DCP2: variants seen among roughly 807,000 people sequenced by gnomAD.
DCP2 encodes m7GpppN-mRNA hydrolase.
Under a neutral mutation model 56.1 loss-of-function variants are expected in DCP2, and 30 were observed. The ratio of observed to expected loss-of-function variants is 0.53; its 90% CI spans 0.40 to 0.73. The LOEUF is 0.73. DCP2 is among the 30% of genes least tolerant of loss of function. The pLI is 0.00. For synonymous variants in DCP2, 197 were observed against 163.3 expected (o/e 1.21, Z -1.57); for missense variants, 533 against 502.7 (o/e 1.06, Z -0.58).
chr5:112,999,581 C>T (rs1313890617), intron 4 of DCP2, among the ~76,000 whole-genome samples: 2 of 151,564 alleles, frequency 1.3e-5, no homozygotes, highest in African/African-American at 4.8e-5. Flanking sequence ...CTGCCTTGGC[C>T]TCCCCTTAGT....
intron 4 of DCP2, 97 bp downstream of exon 4, chr5:112,992,867 C>T: frequency 2.4e-6 from 2 of 822,840 alleles, no homozygotes; most frequent in Non-Finnish European, 1.7e-6. Context: ...ACTGTCTTAA[C>T]CCTTTCCAGA....
rs1358414669 is a variant in DCP2 at position 113,019,627 on chromosome 5, C to A, written c.*6143C>A. 2 of 152,136 alleles carry A rather than the reference C, an allele frequency of 1.3e-5. No homozygotes were observed. Among genetic ancestry groups the A allele is most frequent in the Admixed American group, 6.5e-5 (1 of 15,274 alleles). 9.4% of individuals were successfully genotyped at this position (152,136 alleles called of 1,614,324 possible). A position where few individuals can be genotyped will look rare whatever the true frequency, so the allele number is the denominator to read the frequency against. ...TTACAAATATTAGAAACTTTTTCTT[C>A]AGTAACAAAAACAGGGAAGGACAAT... On this transcript the variant is annotated 3_prime_UTR_variant, in exon 11 of 11. Transcript: ENST00000389063.
At chr5:113,001,791 G>A in intron 7 of DCP2, 117 bp downstream of exon 7, 1 of 897,682 alleles carries the variant, frequency 1.1e-6, no homozygotes, top group Non-Finnish European at 1.7e-6. Flanking sequence ...GATACTCTTT[G>A]TTACTGGTCT....
At chr5:113,011,439 T>A (rs1445766190) in intron 10 of DCP2, among the ~76,000 whole-genome samples, 2 of 152,234 alleles carry the variant, frequency 1.3e-5, no homozygotes. Context: ...ATTTAGTAGA[T>A]GATACTTGGA....
chr5:113,004,953 G>C (rs1181214328), intron 8 of DCP2, among the ~76,000 whole-genome samples: 1 of 151,678 alleles, frequency 6.6e-6, no homozygotes, highest in South Asian at 2.1e-4. Flanking sequence ...GTGAAACCCC[G>C]TCTTTACTAA....
At chr5:112,990,112 A>G (rs545439365) in intron 2 of DCP2, among the ~76,000 whole-genome samples, 1 of 152,334 alleles carries the variant, frequency 6.6e-6, no homozygotes, top group East Asian at 1.9e-4. Context: ...CTCATTGGCA[A>G]GAAAATGAGA....
At chr5:113,003,373 G>A (rs1296717280) in intron 7 of DCP2, among the ~76,000 whole-genome samples, 1 of 152,126 alleles carries the variant, frequency 6.6e-6, no homozygotes, top group Non-Finnish European at 1.5e-5. Flanking sequence ...TACTTTCTCA[G>A]ATCATCTTTC....
At chr5:113,001,018 T>G in intron 4 of DCP2, 66 bp from the exon 5 acceptor site, 2 of 1,451,616 alleles carry the variant, frequency 1.4e-6, no homozygotes, top group Non-Finnish European at 1.8e-6. Flanking sequence ...GTCTTGGGAA[T>G]AAATTTTAAT....
At chr5:112,998,691 A>G (rs1320498112) in intron 4 of DCP2, among the ~76,000 whole-genome samples, 1 of 152,268 alleles carries the variant, frequency 6.6e-6, no homozygotes, top group Admixed American at 6.5e-5. Flanking sequence ...ATTAATTCAA[A>G]GAATAGACTT....
intron 7 of DCP2, 113 bp downstream of exon 7, chr5:113,001,787 C>G (rs1221738794): frequency 2.2e-6 from 2 of 926,116 alleles, no homozygotes; most frequent in Admixed American, 4.5e-5. Context: ...TATAGATACT[C>G]TTTGTTACTG....
chr5:112,977,634 T>A (rs1047460353), intron 1 of DCP2, among the ~76,000 whole-genome samples: 2 of 152,190 alleles, frequency 1.3e-5, no homozygotes, highest in African/African-American at 4.8e-5. Context: ...TTAAAGGAAA[T>A]TCTCAACCGC....
chr5:113,010,207 A>AT (rs766144641), intron 9 of DCP2, among the ~76,000 whole-genome samples: 8,278 of 117,868 alleles, frequency 0.07, 551 homozygotes, highest in African/African-American at 0.18. Flanking sequence ...TAATTCTTGT[A>AT]TTTTTTTTTT....
At chr5:112,989,387 T>A (rs186287606) in intron 2 of DCP2, among the ~76,000 whole-genome samples, 104 of 151,774 alleles carry the variant, frequency 6.9e-4, no homozygotes, top group African/African-American at 2.3e-3. Context: ...CTTGGCACAG[T>A]GATCAATAAA....
intron 7 of DCP2, among the ~76,000 whole-genome samples, chr5:113,002,709 A>G (rs997612200): frequency 2.6e-5 from 4 of 151,662 alleles, no homozygotes; most frequent in Non-Finnish European, 2.9e-5. Context: ...TTTTGTAGAG[A>G]TGGGGCTCTC....
chr5:112,985,992 CT>C lies in DCP2; in HGVS notation c.205+11del. On this transcript the variant is annotated splice_region_variant and intron_variant, in intron 2 of 10. Coordinates refer to ENST00000389063, the MANE Select transcript of DCP2 (RefSeq NM_152624.6). ...AAGAGACTTTGCTAAAGCTGATATC[CT>C]TTTTATTACTATAATGACTGACTTT... The C allele has an allele frequency of 6.6e-7, 1 of 1,518,870 alleles. No homozygotes were observed. The highest frequency in any genetic ancestry group is 1.3e-5 in the South Asian group (1 of 77,692). 94.1% of individuals were successfully genotyped at this position (1,518,870 alleles called of 1,614,324 possible). A position where few individuals can be genotyped will look rare whatever the true frequency, so the allele number is the denominator to read the frequency against.
At chr5:112,985,210 T>G (rs1748221056) in intron 1 of DCP2, among the ~76,000 whole-genome samples, 1 of 152,206 alleles carries the variant, frequency 6.6e-6, no homozygotes, top group Non-Finnish European at 1.5e-5. Flanking sequence ...TTATCCTAAT[T>G]ACATATGTGT....
chr5:112,983,015 A>T (rs866540104), intron 1 of DCP2, among the ~76,000 whole-genome samples: 10 of 152,336 alleles, frequency 6.6e-5, no homozygotes, highest in Middle Eastern at 3.4e-3. Flanking sequence ...CAGACTTTAA[A>T]GGATAAAGGT....
chr5:112,998,331 A>G (rs564911202), intron 4 of DCP2, among the ~76,000 whole-genome samples: 1 of 152,032 alleles, frequency 6.6e-6, no homozygotes, highest in African/African-American at 2.4e-5. Flanking sequence ...GCAAACTCCT[A>G]TTTATCTTTT....
chr5:112,982,321 C>G (rs1748045294), intron 1 of DCP2, among the ~76,000 whole-genome samples: 1 of 152,180 alleles, frequency 6.6e-6, no homozygotes, highest in African/African-American at 2.4e-5. Flanking sequence ...TCCTCCTAAT[C>G]CAGTCTGGAC....
Sources: gnomAD v4.1 joint callset for allele counts (sites outside exome capture counted in the v4.1 genomes callset) on GRCh38, gnomAD v4.1.1 for gene constraint, MANE v1.5 for transcripts, NCBI Gene and HGNC (gene_info 2026-07-23, HGNC 2026-07-21) for gene names.